RAB3GAP1: variants seen among roughly 807,000 people sequenced by gnomAD.
RAB3GAP1 encodes the protein RAB3 GTPase activating protein catalytic subunit 1, also known as rab3 GTPase-activating protein catalytic subunit.
RAB3GAP1 carries 86 observed loss-of-function variants against 130.7 expected under a neutral mutation model. That is an observed-to-expected ratio of 0.66 (90% CI 0.55 to 0.79). RAB3GAP1 has a LOEUF of 0.79. Ranked by LOEUF, RAB3GAP1 falls within the 30% of genes least tolerant of loss-of-function variation. RAB3GAP1 has a pLI of 0.00. For synonymous variants in RAB3GAP1, 367 were observed against 401.7 expected (o/e 0.91, Z 1.03); for missense variants, 1,029 against 1,169.4 (o/e 0.88, Z 1.75).
chr2:135,108,097 T>C (rs1690686343), intron 5 of RAB3GAP1, among the ~76,000 whole-genome samples: 1 of 152,102 alleles, frequency 6.6e-6, no homozygotes, highest in African/African-American at 2.4e-5. Context: ...GTTGTTACTT[T>C]TGATCTTTAT....
chr2:135,131,685 C>T (rs1265709235), intron 13 of RAB3GAP1, among the ~76,000 whole-genome samples: 1 of 152,204 alleles, frequency 6.6e-6, no homozygotes, highest in African/African-American at 2.4e-5. Context: ...GGTTTAATGT[C>T]TGCATGACTT....
intron 3 of RAB3GAP1, chr2:135,059,163 C>A (rs553794212): frequency 6.6e-6 from 1 of 152,258 alleles, no homozygotes; most frequent in African/African-American, 2.4e-5. Flanking sequence ...TGATTTACTA[C>A]ACTACATGTG....
At chr2:135,060,211 G>A (rs927901762) in intron 3 of RAB3GAP1, among the ~76,000 whole-genome samples, 2 of 148,068 alleles carry the variant, frequency 1.4e-5, no homozygotes, top group African/African-American at 5.0e-5. Flanking sequence ...GTTTTTTTTT[G>A]GGTAAGATTT....
chr2:135,162,745 T>C lies in RAB3GAP1; in HGVS notation c.2387-3T>C. 1.2e-6 allele frequency: 2 copies of C among 1,611,848 alleles called. No homozygotes were observed. The highest frequency in any genetic ancestry group is 1.1e-5 in the South Asian group (1 of 91,042). On this transcript the variant is annotated splice_region_variant and splice_polypyrimidine_tract_variant and intron_variant, in intron 20 of 23. Transcript: ENST00000264158. ...ATGCTGGCTTCAATCTTTTCTAAAA[T>C]AGAAAGTCTCGAAAACATTTCTTCA...
intron 2 of RAB3GAP1, among the ~76,000 whole-genome samples, chr2:135,055,693 A>AG (rs1688988433): frequency 6.6e-6 from 1 of 152,036 alleles, no homozygotes. Flanking sequence ...AAAAAAAAAA[A>AG]AAGACATTTC....
At chr2:135,081,971 A>C (rs1445160510) in intron 3 of RAB3GAP1, among the ~76,000 whole-genome samples, 1 of 151,912 alleles carries the variant, frequency 6.6e-6, no homozygotes, top group African/African-American at 2.4e-5. Context: ...TAAAGCCCCC[A>C]TCTATACTAA....
intron 11 of RAB3GAP1, among the ~76,000 whole-genome samples, chr2:135,129,458 A>T (rs1291352879): frequency 2.0e-5 from 3 of 151,622 alleles, no homozygotes; most frequent in Non-Finnish European, 1.5e-5. Flanking sequence ...TCTCAAAAAA[A>T]AAAAAATAAA....
Position 135,058,502 on chromosome 2 carries a change from C to A in RAB3GAP1, c.150+416C>A, listed in dbSNP as rs564150369. ...CTAATGAGGAAAATTCTAGTACTTA[C>A]CATTGACTTACTGTAGTTAACAACT... On this transcript the variant is annotated intron_variant, in intron 3 of 23. Coordinates refer to ENST00000264158, the MANE Select transcript of RAB3GAP1 (RefSeq NM_012233.3). 8.0e-4 allele frequency: 127 copies of A among 158,104 alleles called. 1 individual carries two copies. The highest frequency in any genetic ancestry group is 2.0e-3 in the Admixed American group (31 of 15,732). 9.8% of individuals were successfully genotyped at this position (158,104 alleles called of 1,614,324 possible).
intron 15 of RAB3GAP1, among the ~76,000 whole-genome samples, chr2:135,134,638 A>T (rs1190178749): frequency 6.6e-6 from 1 of 152,238 alleles, no homozygotes; most frequent in Non-Finnish European, 1.5e-5. Flanking sequence ...ATTTTGAGCA[A>T]TATAAAATGA....
chr2:135,139,217 A>G (rs1691767968), intron 17 of RAB3GAP1, among the ~76,000 whole-genome samples: 1 of 152,124 alleles, frequency 6.6e-6, no homozygotes, highest in Non-Finnish European at 1.5e-5. Context: ...TATTTACTTA[A>G]TTATTGAGTT....
chr2:135,134,971 G>C (rs1691639560), intron 15 of RAB3GAP1, among the ~76,000 whole-genome samples: 1 of 152,050 alleles, frequency 6.6e-6, no homozygotes, highest in South Asian at 2.1e-4. Context: ...GTGGGTTCAG[G>C]GGCTTTTTCT....
intron 3 of RAB3GAP1, among the ~76,000 whole-genome samples, chr2:135,082,543 C>T (rs932864647): frequency 4.0e-5 from 6 of 151,158 alleles, no homozygotes; most frequent in Non-Finnish European, 5.9e-5. Flanking sequence ...TGGTTTCAAA[C>T]GATTCTCCTG....
chr2:135,081,486 C>T (rs1213941299), intron 3 of RAB3GAP1, among the ~76,000 whole-genome samples: 1 of 149,368 alleles, frequency 6.7e-6, no homozygotes, highest in Non-Finnish European at 1.5e-5. Context: ...GGAAAGTCAG[C>T]CTTCTAGATT....
chr2:135,140,426 C>T (rs1233900642), intron 17 of RAB3GAP1, among the ~76,000 whole-genome samples: 2 of 152,168 alleles, frequency 1.3e-5, no homozygotes, highest in Non-Finnish European at 2.9e-5. Context: ...AGACCACTCC[C>T]AGGTTTAGTG....
At chr2:135,072,642 C>CT (rs1689511578) in intron 3 of RAB3GAP1, among the ~76,000 whole-genome samples, 1 of 152,126 alleles carries the variant, frequency 6.6e-6, no homozygotes, top group Non-Finnish European at 1.5e-5. Context: ...TATGCTTGGA[C>CT]TTTTTGACTT....
intron 17 of RAB3GAP1, among the ~76,000 whole-genome samples, chr2:135,140,961 A>T (rs1304294642): frequency 6.6e-6 from 1 of 152,040 alleles, no homozygotes; most frequent in East Asian, 1.9e-4. Context: ...TGCACACTTG[A>T]TATTTTTGGT....
intron 5 of RAB3GAP1, among the ~76,000 whole-genome samples, chr2:135,106,008 C>T (rs1483096034): frequency 6.6e-6 from 1 of 151,948 alleles, no homozygotes; most frequent in African/African-American, 2.4e-5. Flanking sequence ...GCTGCCCCGT[C>T]TGAGAAGTGA....
At chr2:135,135,406 G>A (rs576584039) in intron 16 of RAB3GAP1, 87 bp downstream of exon 16, 2 of 1,454,166 alleles carry the variant, frequency 1.4e-6, no homozygotes, top group Non-Finnish European at 1.9e-6. Context: ...GTTACATGCT[G>A]TTCTCATGGT....
In RAB3GAP1 at chr2:135,153,853, G is replaced by A. The variant is rs1316513639; in HGVS notation, c.2266G>A (p.Asp756Asn). 13 of 1,613,666 alleles carry A rather than the reference G, an allele frequency of 8.1e-6. No individual in the cohort carries two copies. In the East Asian group the frequency reaches 2.5e-4, roughly 30 times the overall value. Residue 756 changes from aspartate to asparagine, a missense_variant, in exon 19 of 24, where the codon GAT becomes AAT. By Grantham distance (23) the Asp-to-Asn change is conservative. Transcript: ENST00000264158. The stretch of plus-strand genomic sequence containing the variant: ...TGCTAGAAGGCAAAGGAGACTCTTT[G>A]ATGATACACGGGAAGCAGAAAAGGT... The part of the protein sequence containing the change: ...IPARRQRRLF[D>N]DTREAEKVLH...
Sources: gnomAD v4.1 joint callset for allele counts (sites outside exome capture counted in the v4.1 genomes callset) on GRCh38, gnomAD v4.1.1 for gene constraint, MANE v1.5 for transcripts, NCBI Gene and HGNC (gene_info 2026-07-23, HGNC 2026-07-21) for gene names.